PTGER2: variants seen among roughly 807,000 people sequenced by gnomAD.
The protein encoded by PTGER2 is prostaglandin E receptor 2.
In PTGER2, 22 loss-of-function variants were observed where a neutral mutation model predicts 26.2. That is an observed-to-expected ratio of 0.84 (90% CI 0.60 to 1.20). The LOEUF is 1.20. Among genes scored for constraint, PTGER2 ranks in the 50% most tolerant of loss-of-function variants. The probability of loss-of-function intolerance (pLI) is 0.00; values close to 1 mark genes in which losing one functional copy is unlikely to be tolerated. For missense variants in PTGER2, 458 were observed against 475.2 expected, an observed-to-expected ratio of 0.96 and a Z score of 0.34; for synonymous variants, 219 against 208.9, an observed-to-expected ratio of 1.05 and a Z score of -0.42.
At chr14:52,323,245 G>C (rs1404886541) in intron 1 of PTGER2, among the ~76,000 whole-genome samples, 2 of 151,786 alleles carry the variant, frequency 1.3e-5, no homozygotes, top group African/African-American at 4.8e-5. Flanking sequence ...ATGTATGTAT[G>C]TGTGTATGTA....
chr14:52,325,277 C>A (rs957579500), intron 1 of PTGER2, among the ~76,000 whole-genome samples: 5 of 152,118 alleles, frequency 3.3e-5, no homozygotes, highest in African/African-American at 9.7e-5. Context: ...AACCAATTTT[C>A]ACTTCTCATT....
intron 1 of PTGER2, among the ~76,000 whole-genome samples, chr14:52,325,870 C>G (rs921139101): frequency 6.6e-6 from 1 of 152,206 alleles, no homozygotes. Context: ...CTGCAATTTG[C>G]TTTGTATATC....
chr14:52,316,604 T>C (rs913873181), intron 1 of PTGER2, among the ~76,000 whole-genome samples: 5 of 152,222 alleles, frequency 3.3e-5, no homozygotes, highest in Non-Finnish European at 5.9e-5. Flanking sequence ...GAAGTAACTT[T>C]ATCCTATCTC....
At chr14:52,319,138 G>T (rs375298788) in intron 1 of PTGER2, among the ~76,000 whole-genome samples, 1 of 152,196 alleles carries the variant, frequency 6.6e-6, no homozygotes, top group East Asian at 1.9e-4. Flanking sequence ...TCATAAAAGA[G>T]CTGTGAGAAT....
At position 52,315,385 on chromosome 14, in the gene PTGER2, T is replaced by A. The variant is rs753999431; in HGVS notation, c.837T>A (p.Pro279=). The part of the protein sequence containing the change: ...MTITFAVCSL[P]FTIFAYMNET... ...TCACCTTCGCCGTCTGCTCCTTGCC[T>A]TTCACGGTAAGTCACTCCCTACGTT... The change falls in exon 1 of 2, where the codon CCT becomes CCA. Residue 279 remains proline, a synonymous_variant. Coordinates refer to ENST00000245457, the MANE Select transcript of PTGER2 (RefSeq NM_000956.4). The A allele has an allele frequency of 2.5e-6, 4 of 1,612,762 alleles. No homozygotes were observed. Among genetic ancestry groups the A allele is most frequent in the Non-Finnish European group, 3.4e-6 (4 of 1,179,962 alleles).
rs2033826515 is a variant in PTGER2, at chr14:52,315,256, T to C, written c.708T>C (p.Pro236=). 6.2e-7 allele frequency: 1 copy of C among 1,612,934 alleles called. No individual in the cohort carries two copies. The highest frequency in any genetic ancestry group is 1.3e-5 in the African/African-American group (1 of 74,856). ...HRRSRRSRCG[P]SLGSGRGGPG... is the part of the protein sequence containing the mutation. ...GAAGCCGGAGAAGCCGCTGCGGACC[T>C]TCCCTGGGCAGTGGCCGGGGCGGCC... The change falls in exon 1 of 2, where the codon CCT becomes CCC. Residue 236 remains proline (P), a synonymous_variant. Transcript: ENST00000245457.
Position 52,315,117 on chromosome 14 carries a change from G to T in PTGER2, c.569G>T (p.Arg190Leu). ...QYCPGTWCFIRHGRTAYLQLY... is the reference protein window; with the variant it reads ...QYCPGTWCFILHGRTAYLQLY... ...TGCCCCGGGACCTGGTGCTTCATCCGGCACGGGCGGACCGCTTACCTGCAG... is the reference window on the plus strand; with the variant it reads ...TGCCCCGGGACCTGGTGCTTCATCCTGCACGGGCGGACCGCTTACCTGCAG... Residue 190 changes from arginine to leucine, a missense_variant, in exon 1 of 2, where the codon CGG becomes CTG. Coordinates refer to ENST00000245457, the MANE Select transcript of PTGER2 (RefSeq NM_000956.4). 1 of 1,609,880 alleles carries T rather than the reference G, an allele frequency of 6.2e-7. No individual in the cohort carries two copies. The highest frequency in any genetic ancestry group is 1.3e-5 in the African/African-American group (1 of 74,922).
At position 52,315,201 on chromosome 14, in the gene PTGER2, T is replaced by C; in HGVS notation, c.653T>C (p.Val218Ala). Reference sequence around the variant, plus strand: ...TCGGTGCTCGCCTGCAACTTCAGTGTCATTCTCAACCTCATCCGCATGCAC... The same window carrying C: ...TCGGTGCTCGCCTGCAACTTCAGTGCCATTCTCAACCTCATCCGCATGCAC... ...IVSVLACNFS[V>A]ILNLIRMHRR... Residue 218 changes from valine to alanine, a missense_variant, in exon 1 of 2, where the codon GTC becomes GCC. Transcript: ENST00000245457. 3 of 1,605,962 alleles carry C rather than the reference T, an allele frequency of 1.9e-6. No homozygotes were observed. The highest frequency in any genetic ancestry group is 1.7e-6 in the Non-Finnish European group (2 of 1,178,388).
chr14:52,314,967 A>G lies in PTGER2; in HGVS notation c.419A>G (p.His140Arg). The G allele has an allele frequency of 1.9e-6, 3 of 1,613,132 alleles. No individual in the cohort carries two copies. The highest frequency in any genetic ancestry group is 2.5e-6 in the Non-Finnish European group (3 of 1,179,954). The change falls in exon 1 of 2, where the codon CAC becomes CGC. Residue 140 changes from histidine to arginine, a missense_variant. By Grantham distance (29) the His-to-Arg change is conservative. Coordinates refer to ENST00000245457, the MANE Select transcript of PTGER2 (RefSeq NM_000956.4). The surrounding 1 kb of genome is among the most constrained non-coding windows in gnomAD (Gnocchi z 5.7). ...MALERYLSIG[H>R]PYFYQRRVSR... Reference sequence around the variant, plus strand: ...CTGGAGCGCTACCTCTCGATCGGGCACCCCTACTTCTACCAGCGCCGCGTC... The same window carrying G: ...CTGGAGCGCTACCTCTCGATCGGGCGCCCCTACTTCTACCAGCGCCGCGTC...
intron 1 of PTGER2, among the ~76,000 whole-genome samples, chr14:52,318,759 C>T (rs1051893384): frequency 6.6e-6 from 1 of 152,192 alleles, no homozygotes; most frequent in African/African-American, 2.4e-5. Flanking sequence ...TTACTGCTTC[C>T]TCCAAAGATG....
intron 1 of PTGER2, among the ~76,000 whole-genome samples, chr14:52,322,489 A>G (rs2033905864): frequency 1.3e-5 from 2 of 152,192 alleles, no homozygotes. Flanking sequence ...AATTACTGAT[A>G]AGGGTCTATG....
rs559762815 is a variant in PTGER2 at position 52,314,325 on chromosome 14, G to A, written c.-224G>A. The A allele has an allele frequency of 2.5e-6, 1 of 395,146 alleles. No individual in the cohort carries two copies. The highest frequency in any genetic ancestry group is 2.1e-5 in the African/African-American group (1 of 48,212). The allele number at this position is 395,146 out of a possible 1,614,324, so 24.5% of individuals were successfully genotyped here. On this transcript the variant is annotated 5_prime_UTR_variant, in exon 1 of 2. Transcript: ENST00000245457. The surrounding 1 kb of genome is among the most constrained non-coding windows in gnomAD (Gnocchi z 5.7). Reference sequence around the variant, plus strand: ...GCCTTGGCCGGCGCGGGTAGGCGCGGGAGCCTCGAGCGCCGCTCGGATGCA... The same window carrying A: ...GCCTTGGCCGGCGCGGGTAGGCGCGAGAGCCTCGAGCGCCGCTCGGATGCA...
intron 1 of PTGER2, among the ~76,000 whole-genome samples, chr14:52,325,330 T>C (rs1264078113): frequency 6.6e-6 from 1 of 152,232 alleles, no homozygotes; most frequent in Non-Finnish European, 1.5e-5. Context: ...CTGATGTGGG[T>C]TATTCTCCCC....
At chr14:52,321,224 A>G (rs1335338537) in intron 1 of PTGER2, among the ~76,000 whole-genome samples, 1 of 151,234 alleles carries the variant, frequency 6.6e-6, no homozygotes, top group Non-Finnish European at 1.5e-5. Context: ...GACTTCTTTA[A>G]AGCATCATAT....
intron 1 of PTGER2, among the ~76,000 whole-genome samples, 200 bp from the exon 2 acceptor site, chr14:52,327,021 A>T (rs1439962266): frequency 3.3e-5 from 5 of 152,160 alleles, no homozygotes; most frequent in Non-Finnish European, 5.9e-5. Context: ...CATTGAGTTC[A>T]AGGGGAAAAA....
At chr14:52,318,263 A>T (rs1391524679) in intron 1 of PTGER2, among the ~76,000 whole-genome samples, 1 of 152,212 alleles carries the variant, frequency 6.6e-6, no homozygotes, top group Non-Finnish European at 1.5e-5. Flanking sequence ...GCCTTCAGAA[A>T]TGTTTCTGTT....
At chr14:52,324,490 C>A (rs1320430244) in intron 1 of PTGER2, among the ~76,000 whole-genome samples, 1 of 152,218 alleles carries the variant, frequency 6.6e-6, no homozygotes, top group East Asian at 1.9e-4. Context: ...CAAAGACATG[C>A]TCCCAGCCTA....
chr14:52,314,375 C>T lies in PTGER2; in HGVS notation c.-174C>T. 1.4e-6 allele frequency: 1 copy of T among 707,494 alleles called. No individual in the cohort carries two copies. The highest frequency in any genetic ancestry group is 2.0e-6 in the Non-Finnish European group (1 of 509,524). 43.8% of individuals were successfully genotyped at this position (707,494 alleles called of 1,614,324 possible). A position where few individuals can be genotyped will look rare whatever the true frequency, so the allele number is the denominator to read the frequency against. The stretch of plus-strand genomic sequence containing the variant: ...AGCAGCCGAGCCGCCACTCGGCGCG[C>T]GGCGGGAGACCCAGGGCAAGCCGCC... On this transcript the variant is annotated 5_prime_UTR_variant, in exon 1 of 2. Transcript: ENST00000245457. The surrounding 1 kb of genome is among the most constrained non-coding windows in gnomAD (Gnocchi z 5.7).
intron 1 of PTGER2, among the ~76,000 whole-genome samples, chr14:52,323,226 CATGTATGT>C (rs531613021): frequency 6.6e-6 from 1 of 151,864 alleles, no homozygotes; most frequent in Admixed American, 6.6e-5. Flanking sequence ...TATTTTTATG[CATGTATGT>C]ATGTATGTAT....
Sources: gnomAD v4.1 joint callset for allele counts (sites outside exome capture counted in the v4.1 genomes callset) on GRCh38, gnomAD v4.1.1 for gene constraint, Gnocchi (gnomAD v3.1) non-coding constraint, MANE v1.5 for transcripts, NCBI Gene and HGNC (gene_info 2026-07-23, HGNC 2026-07-21) for gene names.